The following STAC variants were observed in gnomAD, a reference collection of about 807,000 sequenced individuals.
STAC encodes SH3 and cysteine-rich domain-containing protein.
A neutral mutation model predicts 48.8 loss-of-function variants in STAC; 43 were observed. That is an observed-to-expected ratio of 0.88 (90% CI 0.69 to 1.14). The LOEUF (loss-of-function observed/expected upper bound fraction) is 1.14, where lower values mean the gene tolerates loss of function less well. STAC is among the 50% of genes most tolerant of loss of function. The pLI is 0.00. For missense variants in STAC, 497 were observed against 504.0 expected, an observed-to-expected ratio of 0.99 and a Z score of 0.13; for synonymous variants, 193 against 179.5, an observed-to-expected ratio of 1.07 and a Z score of -0.60.
intron 2 of STAC, among the ~76,000 whole-genome samples, chr3:36,449,979 T>A (rs930303800): frequency 1.3e-5 from 2 of 152,234 alleles, no homozygotes; most frequent in Non-Finnish European, 2.9e-5. Flanking sequence ...ATTTGGCTCT[T>A]CCTACTGGAA....
At chr3:36,493,323 C>A (rs906057951) in intron 6 of STAC, 94 bp downstream of exon 6, 4 of 1,167,264 alleles carry the variant, frequency 3.4e-6, no homozygotes, top group Non-Finnish European at 5.1e-6. Flanking sequence ...GCTTTCTCTG[C>A]TAGCTCTGGA....
chr3:36,442,352 T>C (rs965661623), intron 1 of STAC, among the ~76,000 whole-genome samples: 5 of 152,188 alleles, frequency 3.3e-5, no homozygotes, highest in African/African-American at 1.2e-4. Context: ...GGATATTCAA[T>C]TACAAAAAGA....
At chr3:36,408,020 G>A (rs1283779192) in intron 1 of STAC, among the ~76,000 whole-genome samples, 1 of 152,184 alleles carries the variant, frequency 6.6e-6, no homozygotes, top group African/African-American at 2.4e-5. Flanking sequence ...TCAGTAACTA[G>A]AGGCCACTGT....
intron 6 of STAC, among the ~76,000 whole-genome samples, chr3:36,499,759 A>G (rs1028458348): frequency 2.0e-5 from 3 of 151,824 alleles, no homozygotes; most frequent in African/African-American, 7.3e-5. Context: ...TAAAAAAACA[A>G]AAGTTTTTTT....
intron 10 of STAC, among the ~76,000 whole-genome samples, chr3:36,541,181 GA>G (rs141454002): frequency 2.0e-5 from 3 of 148,752 alleles, no homozygotes; most frequent in Admixed American, 6.7e-5. Flanking sequence ...TAGGGGGGAA[GA>G]AAAAAAAAAC....
At chr3:36,491,691 G>A (rs377167457) in intron 5 of STAC, among the ~76,000 whole-genome samples, 28 of 152,016 alleles carry the variant, frequency 1.8e-4, no homozygotes, top group Admixed American at 5.9e-4. Context: ...GTCCCTCTCC[G>A]ATAAGATGTA....
intron 2 of STAC, among the ~76,000 whole-genome samples, chr3:36,445,697 C>T (rs988102393): frequency 2.0e-5 from 3 of 152,190 alleles, no homozygotes; most frequent in Non-Finnish European, 4.4e-5. Context: ...TCAAGCCACA[C>T]GTTATCCTCA....
intron 8 of STAC, among the ~76,000 whole-genome samples, chr3:36,528,088 G>A (rs1269191636): frequency 2.0e-5 from 3 of 152,186 alleles, no homozygotes; most frequent in South Asian, 2.1e-4. Flanking sequence ...CACAGGGGAC[G>A]GGAGGTAGAT....
chr3:36,416,180 T>C (rs1700315051), intron 1 of STAC, among the ~76,000 whole-genome samples: 1 of 152,216 alleles, frequency 6.6e-6, no homozygotes, highest in Admixed American at 6.5e-5. Context: ...TTACTAAAAA[T>C]GTTAGTCAGG....
intron 8 of STAC, 42 bp from the exon 9 acceptor site, chr3:36,528,654 C>CTT: frequency 1.4e-6 from 2 of 1,463,024 alleles, no homozygotes; most frequent in South Asian, 1.3e-5. Flanking sequence ...TGTTATTTTT[C>CTT]TTTTTTTTTC....
At chr3:36,476,634 A>C (rs1036490846) in intron 2 of STAC, among the ~76,000 whole-genome samples, 2 of 152,216 alleles carry the variant, frequency 1.3e-5, no homozygotes, top group African/African-American at 2.4e-5. Context: ...TTCAAGGACA[A>C]ACCGCTGATG....
intron 1 of STAC, among the ~76,000 whole-genome samples, chr3:36,395,772 T>C (rs554167451): frequency 3.3e-5 from 5 of 152,314 alleles, no homozygotes; most frequent in African/African-American, 1.2e-4. Flanking sequence ...TTGGTCCATG[T>C]AGGTTATCAG....
intron 1 of STAC, among the ~76,000 whole-genome samples, chr3:36,383,342 A>ATT (rs1553629978): frequency 0.23 from 34,562 of 151,998 alleles, 4,613 homozygotes; most frequent in African/African-American, 0.38. Context: ...GTGAAAATTT[A>ATT]TTATGGAAAA....
At chr3:36,411,098 G>A (rs539383458) in intron 1 of STAC, among the ~76,000 whole-genome samples, 1 of 152,210 alleles carries the variant, frequency 6.6e-6, no homozygotes, top group South Asian at 2.1e-4. Context: ...AAAAAACCTG[G>A]ACTCATCCTT....
At chr3:36,387,706 T>C (rs953409039) in intron 1 of STAC, among the ~76,000 whole-genome samples, 1 of 152,148 alleles carries the variant, frequency 6.6e-6, no homozygotes, top group Admixed American at 6.5e-5. Context: ...ATTGTATATA[T>C]ATACTACATT....
rs531088471 is a variant in STAC, at chr3:36,475,561, G to A, written c.389-7431G>A. On this transcript the variant is annotated intron_variant, in intron 2 of 10. Coordinates refer to ENST00000273183, the MANE Select transcript of STAC (RefSeq NM_003149.3). ...GGCATTTCTGGGTTATATATGTGAG[G>A]TAAAAGCAGTAACAGAAATCTGAAG... Among the ~76,000 whole-genome samples the A allele has an allele frequency of 2.6e-5, 4 of 152,300 alleles. No individual in the cohort carries two copies. The South Asian group carries it at 8.3e-4, about 32-fold the overall frequency.
At chr3:36,516,014 A>G (rs1029698565) in intron 8 of STAC, among the ~76,000 whole-genome samples, 5 of 106,176 alleles carry the variant, frequency 4.7e-5, no homozygotes, top group African/African-American at 1.9e-4. Context: ...ACAGAGTTTC[A>G]CTCATGTTGC....
chr3:36,530,580 C>CTTTTTTTTTT (rs775751742), intron 10 of STAC, among the ~76,000 whole-genome samples: 1 of 102,704 alleles, frequency 9.7e-6, no homozygotes, highest in Non-Finnish European at 1.8e-5. Context: ...TTCACCTTTT[C>CTTTTTTTTTT]TTTTTTTTTT....
chr3:36,447,944 C>T (rs1458428072), intron 2 of STAC, among the ~76,000 whole-genome samples: 3 of 152,058 alleles, frequency 2.0e-5, no homozygotes, highest in Non-Finnish European at 4.4e-5. Context: ...CTCCTTTGGG[C>T]CATAGTGTGT....
Sources: gnomAD v4.1 joint callset for allele counts (sites outside exome capture counted in the v4.1 genomes callset) on GRCh38, gnomAD v4.1.1 for gene constraint, MANE v1.5 for transcripts, NCBI Gene and HGNC (gene_info 2026-07-23, HGNC 2026-07-21) for gene names.